MRPS33: variants seen among roughly 807,000 people sequenced by gnomAD.
MRPS33 encodes mitochondrial ribosomal protein S33, also known as small ribosomal subunit protein mS33.
Under a neutral mutation model 11.2 loss-of-function variants are expected in MRPS33, and 11 were observed. That is an observed-to-expected ratio of 0.99 (90% CI 0.62 to 1.63). MRPS33 has a LOEUF of 1.63. Among genes scored for constraint, MRPS33 ranks in the 40% most tolerant of loss-of-function variants. The pLI is 0.00. For missense variants in MRPS33, 109 were observed against 127.8 expected, an observed-to-expected ratio of 0.85 and a Z score of 0.71; for synonymous variants, 46 against 44.0, an observed-to-expected ratio of 1.05 and a Z score of -0.18.
chr7:141,012,248 C>T (rs948673392), intron 1 of MRPS33, among the ~76,000 whole-genome samples: 6 of 143,224 alleles, frequency 4.2e-5, no homozygotes, highest in Non-Finnish European at 9.0e-5. Context: ...GAACACCAAC[C>T]AAGCAATTTT....
intron 2 of MRPS33, among the ~76,000 whole-genome samples, chr7:141,007,900 G>A (rs1223975501): frequency 6.6e-6 from 1 of 152,076 alleles, no homozygotes; most frequent in Non-Finnish European, 1.5e-5. Flanking sequence ...CTTTGTAACA[G>A]ATCCTATAAT....
In MRPS33 at chr7:141,005,931, A is replaced by G. The variant is rs576621229; in HGVS notation, c.*499T>C. The G allele has an allele frequency of 1.3e-5, 2 of 157,374 alleles. No individual in the cohort carries two copies. The highest frequency in any genetic ancestry group is 3.8e-4 in the South Asian group (2 of 5,206). 9.7% of individuals were successfully genotyped at this position (157,374 alleles called of 1,614,324 possible). A position where few individuals can be genotyped will look rare whatever the true frequency, so the allele number is the denominator to read the frequency against. ...TATTCAATACTTCCTTTTAAAAGATACTTACTCTACAAATTCATCTTAATA... is the reference window on the plus strand; with the variant it reads ...TATTCAATACTTCCTTTTAAAAGATGCTTACTCTACAAATTCATCTTAATA... On this transcript the variant is annotated 3_prime_UTR_variant, in exon 3 of 3. Coordinates refer to ENST00000324787, the MANE Select transcript of MRPS33 (RefSeq NM_053035.3).
intron 2 of MRPS33, chr7:141,010,148 C>A: frequency 3.0e-6 from 1 of 331,328 alleles, no homozygotes; most frequent in South Asian, 4.5e-5. Context: ...AATGATTAAA[C>A]ACCTCTCTAC....
At chr7:141,007,168 G>A (rs879476624) in intron 2 of MRPS33, among the ~76,000 whole-genome samples, 2 of 152,172 alleles carry the variant, frequency 1.3e-5, no homozygotes, top group Non-Finnish European at 2.9e-5. Flanking sequence ...CACATCTTAA[G>A]CCCAGATACC....
At position 141,006,490 on chromosome 7, in the gene MRPS33, C is replaced by G; in HGVS notation, c.261G>C (p.Lys87Asn). The change falls in exon 3 of 3, where the codon AAG becomes AAC. Residue 87 changes from lysine to asparagine, a missense_variant. Transcript: ENST00000324787. ...DFMDEQKRLK[K>N]LRGKEKPKKG... ...TCTTTGGTTTCTCCTTTCCACGAAG[C>G]TTCTTTAGTCGTTTTTGCTCATCCA... 6.2e-7 allele frequency: 1 copy of G among 1,614,018 alleles called. No individual in the cohort carries two copies. The highest frequency in any genetic ancestry group is 1.3e-5 in the African/African-American group (1 of 75,058).
intron 1 of MRPS33, 82 bp from the exon 2 acceptor site, chr7:141,010,742 C>A: frequency 1.0e-6 from 1 of 986,178 alleles, no homozygotes; most frequent in Non-Finnish European, 1.6e-6. Context: ...AAAATGCAAA[C>A]ACAGCAAGCC....
chr7:141,003,601 A>G lies in MRPS33; in HGVS notation c.*2829T>C, dbSNP rs1035929391. ...ACTGAAGCTCTTCCATCGGCAAACC[A>G]ATACATCGATTCTTTACTTGTTTTC... is the stretch of plus-strand genomic sequence containing the variant. On this transcript the variant is annotated 3_prime_UTR_variant, in exon 3 of 3. Coordinates refer to ENST00000324787, the MANE Select transcript of MRPS33 (RefSeq NM_053035.3). 6.6e-6 allele frequency: 1 copy of G among 152,260 alleles called. No individual in the cohort carries two copies. Among genetic ancestry groups the G allele is most frequent in the African/African-American group, 2.4e-5 (1 of 41,470 alleles). The allele number at this position is 152,260 out of a possible 1,614,324, so 9.4% of individuals were successfully genotyped here.
chr7:141,011,481 C>T (rs1225062029), intron 1 of MRPS33, among the ~76,000 whole-genome samples: 2 of 152,102 alleles, frequency 1.3e-5, no homozygotes, highest in African/African-American at 4.8e-5. Context: ...GCACGAATTA[C>T]AGCTAACAGA....
At chr7:141,010,226 A>T in intron 2 of MRPS33, 193 bp downstream of exon 2, 1 of 585,574 alleles carries the variant, frequency 1.7e-6, no homozygotes, top group Non-Finnish European at 3.0e-6. Context: ...AACAAGCATG[A>T]ATTTCCTTTT....
In MRPS33 at chr7:141,003,018, GAAGGA is replaced by G. The variant is rs1490682689; in HGVS notation, c.*3407_*3411del. Reference sequence around the variant, plus strand: ...CAGTGAAGCATTATGATTTTATAGAGAAGGAAAGAGGTTCAGAGAAGTAACTGACG... The same window carrying G: ...CAGTGAAGCATTATGATTTTATAGAGAAGAGGTTCAGAGAAGTAACTGACG... On this transcript the variant is annotated 3_prime_UTR_variant, in exon 3 of 3. Coordinates refer to ENST00000324787, the MANE Select transcript of MRPS33 (RefSeq NM_053035.3). The G allele has an allele frequency of 2.6e-5, 4 of 152,220 alleles. No individual in the cohort carries two copies. The highest frequency in any genetic ancestry group is 4.8e-5 in the African/African-American group (2 of 41,426). 9.4% of individuals were successfully genotyped at this position (152,220 alleles called of 1,614,324 possible).
At chr7:141,006,607 C>T (rs756857274) in intron 2 of MRPS33, 72 bp from the exon 3 acceptor site, 3 of 1,228,200 alleles carry the variant, frequency 2.4e-6, no homozygotes, top group Admixed American at 3.5e-5. Flanking sequence ...CTAGCACGCA[C>T]TGCTCTCTTA....
chr7:141,011,067 C>T (rs960116185), intron 1 of MRPS33, among the ~76,000 whole-genome samples: 2 of 152,214 alleles, frequency 1.3e-5, no homozygotes, highest in African/African-American at 2.4e-5. Flanking sequence ...ATGCTGACTG[C>T]TTGCCATCAA....
At chr7:141,006,800 T>G (rs1820543456) in intron 2 of MRPS33, among the ~76,000 whole-genome samples, 1 of 152,108 alleles carries the variant, frequency 6.6e-6, no homozygotes, top group Admixed American at 6.6e-5. Flanking sequence ...CCAGCCTACA[T>G]AAACCTACAT....
chr7:141,008,792 A>C (rs1820599099), intron 2 of MRPS33, among the ~76,000 whole-genome samples: 1 of 135,572 alleles, frequency 7.4e-6, no homozygotes. Flanking sequence ...TTTGGTAATT[A>C]AAAAAATAAT....
rs1239273294 is a variant in MRPS33, at chr7:141,003,875, C to T, written c.*2555G>A. On this transcript the variant is annotated 3_prime_UTR_variant, in exon 3 of 3. Coordinates refer to ENST00000324787, the MANE Select transcript of MRPS33 (RefSeq NM_053035.3). ...AACAGTGCATCTGCACTTTTCTAAGCACGTTTCTGAGATCTTGCCAATACT... is the reference window on the plus strand; with the variant it reads ...AACAGTGCATCTGCACTTTTCTAAGTACGTTTCTGAGATCTTGCCAATACT... The T allele has an allele frequency of 6.6e-6, 1 of 152,276 alleles. No individual in the cohort carries two copies. Among genetic ancestry groups the T allele is most frequent in the Non-Finnish European group, 1.5e-5 (1 of 68,080 alleles). The allele number at this position is 152,276 out of a possible 1,614,324, so 9.4% of individuals were successfully genotyped here.
rs768750838 is a variant in MRPS33 at position 141,010,413 on chromosome 7, C to G, written c.215+6G>C. ...CTCATAGGTCCCTCTTTGTGTTTGT[C>G]ATCACCTGTAGAGTCCAAGAAATCG... On this transcript the variant is annotated splice_donor_region_variant and intron_variant, in intron 2 of 2. Transcript: ENST00000324787. 1.2e-6 allele frequency: 2 copies of G among 1,613,750 alleles called. No homozygotes were observed. The highest frequency in any genetic ancestry group is 4.5e-5 in the East Asian group (2 of 44,876).
chr7:141,014,831 C>T (rs1820760112), intron 1 of MRPS33, 80 bp downstream of exon 1: 1 of 152,270 alleles, frequency 6.6e-6, no homozygotes, highest in South Asian at 2.1e-4. Flanking sequence ...TTCCTGGCGA[C>T]TCTACAAGGT....
intron 1 of MRPS33, among the ~76,000 whole-genome samples, chr7:141,011,474 C>T (rs748081887): frequency 3.3e-5 from 5 of 151,928 alleles, no homozygotes; most frequent in Non-Finnish European, 7.4e-5. Context: ...GTGATATGCA[C>T]GAATTACAGC....
intron 2 of MRPS33, among the ~76,000 whole-genome samples, chr7:141,008,750 A>G (rs1331604990): frequency 2.6e-5 from 4 of 152,054 alleles, no homozygotes; most frequent in African/African-American, 7.3e-5. Flanking sequence ...ATTATGTACT[A>G]TTTGAATTCT....
Sources: allele counts gnomAD v4.1 joint callset (sites outside exome capture counted in the v4.1 genomes callset), GRCh38; gene constraint gnomAD v4.1.1; transcripts MANE v1.5; gene names NCBI Gene and HGNC (gene_info 2026-07-23, HGNC 2026-07-21).